The following QSOX2 variants were observed in gnomAD, a reference collection of about 807,000 sequenced individuals.
The protein encoded by QSOX2 is quiescin sulfhydryl oxidase 2.
QSOX2 carries 46 observed loss-of-function variants against 61.7 expected under a neutral mutation model. The observed-to-expected ratio is 0.75, with a 90% CI of 0.59 to 0.95. The LOEUF is 0.95. QSOX2 is among the 40% of genes least tolerant of loss of function. The pLI, the probability that QSOX2 is intolerant of heterozygous loss-of-function variation, is 0.00. For missense variants in QSOX2, 879 were observed against 918.9 expected (o/e 0.96, Z 0.56); for synonymous variants, 383 against 388.4 (o/e 0.99, Z 0.16).
Position 136,209,806 on chromosome 9 carries a change from C to T in QSOX2, c.1550-531G>A, listed in dbSNP as rs1233234932. 5.0e-5 allele frequency: 49 copies of T among 985,238 alleles called. No homozygotes were observed. Among genetic ancestry groups the T allele is most frequent in the Non-Finnish European group, 5.9e-5 (49 of 829,928 alleles). The allele number at this position is 985,238 out of a possible 1,614,324, so 61.0% of individuals were successfully genotyped here. On this transcript the variant is annotated intron_variant, in intron 11 of 11. Transcript: ENST00000358701. The surrounding 1 kb of genome is among the most constrained non-coding windows in gnomAD (Gnocchi z 5.6). Reference sequence around the variant, plus strand: ...GGGGCAGCAATGAATTTCCACTGCACTTCAGGTACACTGGCCCTTTCCGGA... The same window carrying T: ...GGGGCAGCAATGAATTTCCACTGCATTTCAGGTACACTGGCCCTTTCCGGA...
At chr9:136,237,018 T>C (rs1486875309) in intron 1 of QSOX2, among the ~76,000 whole-genome samples, 22 of 74,252 alleles carry the variant, frequency 3.0e-4, no homozygotes, top group African/African-American at 5.3e-4. Context: ...CCTGGGCCGG[T>C]GTCACCTGGA....
intron 1 of QSOX2, among the ~76,000 whole-genome samples, chr9:136,235,108 G>A (rs546775437): frequency 6.6e-6 from 1 of 152,314 alleles, no homozygotes; most frequent in South Asian, 2.1e-4. Context: ...CTGCTTACTG[G>A]GTTTTGAGAA....
intron 1 of QSOX2, among the ~76,000 whole-genome samples, chr9:136,233,865 A>T (rs1830354058): frequency 6.6e-6 from 1 of 152,258 alleles, no homozygotes; most frequent in Admixed American, 6.5e-5. Context: ...AACAGGCACT[A>T]AAACTAAAGC....
intron 6 of QSOX2, among the ~76,000 whole-genome samples, chr9:136,219,886 G>C (rs968607762): frequency 1.3e-5 from 2 of 152,218 alleles, no homozygotes; most frequent in Admixed American, 6.5e-5. Context: ...GGTTCAGGCC[G>C]CTCTGCCAAG....
In QSOX2 at chr9:136,206,480, T is replaced by C. The variant is rs1159052895; in HGVS notation, c.*2248A>G. ...TTAATAAAAATCCTTCCACTGAAAATAAATAAGCATTTAAATTACTGAACT... is the reference window on the plus strand; with the variant it reads ...TTAATAAAAATCCTTCCACTGAAAACAAATAAGCATTTAAATTACTGAACT... On this transcript the variant is annotated 3_prime_UTR_variant, in exon 12 of 12. Transcript: ENST00000358701. 1.3e-5 allele frequency: 2 copies of C among 152,542 alleles called. No individual in the cohort carries two copies. Among genetic ancestry groups the C allele is most frequent in the African/African-American group, 4.8e-5 (2 of 41,450 alleles). The allele number at this position is 152,542 out of a possible 1,614,324, so 9.4% of individuals were successfully genotyped here.
intron 1 of QSOX2, among the ~76,000 whole-genome samples, chr9:136,236,675 T>C (rs1830384946): frequency 6.6e-6 from 1 of 152,242 alleles, no homozygotes; most frequent in South Asian, 2.1e-4. Flanking sequence ...AAGCCCGTCC[T>C]GTGCCAGCGA....
intron 10 of QSOX2, 61 bp downstream of exon 10, chr9:136,215,093 C>A: frequency 6.3e-7 from 1 of 1,575,948 alleles, no homozygotes; most frequent in South Asian, 1.2e-5. Flanking sequence ...TTGCACACAC[C>A]GGCTGGGTTA....
At chr9:136,226,969 C>T (rs753565165) in intron 1 of QSOX2, 95 bp from the exon 2 acceptor site, 64 of 942,368 alleles carry the variant, frequency 6.8e-5, no homozygotes, top group Admixed American at 2.4e-4. Flanking sequence ...CGGCCACCTG[C>T]GAGACCAGCC....
At chr9:136,211,487 T>TGC in intron 10 of QSOX2, 35 bp from the exon 11 acceptor site, 1 of 1,604,146 alleles carries the variant, frequency 6.2e-7, no homozygotes. Context: ...CAACGGCAGG[T>TGC]GCGTGGGCAT....
chr9:136,216,839 G>A (rs1029238643), intron 8 of QSOX2, 117 bp from the exon 9 acceptor site: 9 of 1,296,402 alleles, frequency 6.9e-6, no homozygotes, highest in Non-Finnish European at 9.6e-6. Flanking sequence ...CTGAACCTAG[G>A]ATGGGGCCTC....
chr9:136,223,359 T>C lies in QSOX2; in HGVS notation c.675+404A>G. Among the ~76,000 whole-genome samples the C allele has an allele frequency of 6.6e-6, 1 of 152,100 alleles. No homozygotes were observed. Among genetic ancestry groups the C allele is most frequent in the Non-Finnish European group, 1.5e-5 (1 of 68,022 alleles). ...CAAAGTATGACGATAGAAACGACGT[T>C]TTACAGAATCTTGGATTTGGCAAAA... On this transcript the variant is annotated intron_variant, in intron 5 of 11. Coordinates refer to ENST00000358701, the MANE Select transcript of QSOX2 (RefSeq NM_181701.4). This position sits in a 1 kb window ranked among gnomAD's most constrained non-coding sequence, Gnocchi z 4.4.
rs148252628 is a variant in QSOX2 at position 136,225,801 on chromosome 9, G to A, written c.430-892C>T. Among the ~76,000 whole-genome samples the A allele has an allele frequency of 2.1e-3, 317 of 152,388 alleles. 1 individual carries two copies. Among genetic ancestry groups the A allele is most frequent in the African/African-American group, 7.2e-3 (299 of 41,596 alleles). On this transcript the variant is annotated intron_variant, in intron 2 of 11. Transcript: ENST00000358701. ...TGGACAATCCCATCCAATGAGCATC[G>A]TAGTGGATCTGGGCAATGTCCCATT... is the stretch of plus-strand genomic sequence containing the variant.
chr9:136,227,090 CACAGA>C lies in QSOX2; in HGVS notation c.329-221_329-217del, dbSNP rs796222178. On this transcript the variant is annotated intron_variant, in intron 1 of 11. Transcript: ENST00000358701. ...CGATGCCTCTCCTACCACAGATAGT[CACAGA>C]ACAAGCGGATTTGTGCTGAACCTGC... is the stretch of plus-strand genomic sequence containing the variant. Among the ~76,000 whole-genome samples, 731 of 152,328 alleles carry C rather than the reference CACAGA, an allele frequency of 4.8e-3. 6 individuals are homozygous for C. The highest frequency in any genetic ancestry group is 0.017 in the Middle Eastern group (5 of 294).
chr9:136,233,826 T>C (rs1488659484), intron 1 of QSOX2, among the ~76,000 whole-genome samples: 1 of 152,212 alleles, frequency 6.6e-6, no homozygotes, highest in Non-Finnish European at 1.5e-5. Flanking sequence ...CGGTTTTTGC[T>C]TTCTTCTATG....
intron 1 of QSOX2, among the ~76,000 whole-genome samples, chr9:136,227,478 T>C (rs2131061004): frequency 6.6e-6 from 1 of 152,336 alleles, no homozygotes; most frequent in South Asian, 2.1e-4. Flanking sequence ...CTCTAAAGTT[T>C]TTGCTATGGA....
At position 136,211,246 on chromosome 9, in the gene QSOX2, T is replaced by C. The variant is rs996874103; in HGVS notation, c.1549+18A>G. On this transcript the variant is annotated intron_variant, in intron 11 of 11. Coordinates refer to ENST00000358701, the MANE Select transcript of QSOX2 (RefSeq NM_181701.4). ...CCCTCCGCCCGTGCTGAGCCCCCCA[T>C]GCCCAGGGGCTTCTCACCTGCCAGG... The C allele has an allele frequency of 8.1e-6, 13 of 1,612,054 alleles. No homozygotes were observed. Among genetic ancestry groups the C allele is most frequent in the Non-Finnish European group, 1.1e-5 (13 of 1,178,462 alleles).
rs1054134418 is a variant in QSOX2, at chr9:136,221,045, A to T, written c.821+751T>A. Reference sequence around the variant, plus strand: ...GGGCTTATCCGAGGGGCACACAGGCACTCCACGCAGAGGCAAAGGGCTTAT... The same window carrying T: ...GGGCTTATCCGAGGGGCACACAGGCTCTCCACGCAGAGGCAAAGGGCTTAT... On this transcript the variant is annotated intron_variant, in intron 6 of 11. Coordinates refer to ENST00000358701, the MANE Select transcript of QSOX2 (RefSeq NM_181701.4). The surrounding 1 kb of genome is among the most constrained non-coding windows in gnomAD (Gnocchi z 4.5). 6.6e-5 allele frequency among the ~76,000 whole-genome samples: 10 copies of T among 151,710 alleles called. No individual in the cohort carries two copies. The highest frequency in any genetic ancestry group is 2.2e-4 in the African/African-American group (9 of 41,222).
chr9:136,222,757 C>T lies in QSOX2; in HGVS notation c.676-816G>A, dbSNP rs1161042725. On this transcript the variant is annotated intron_variant, in intron 5 of 11. Transcript: ENST00000358701. The surrounding 1 kb of genome is among the most constrained non-coding windows in gnomAD (Gnocchi z 6.9). ...CAGGCAGGTAGGGGAGCGTGCCCGG[C>T]ACCAAGACGGTCCCACACCCGCCTC... Among the ~76,000 whole-genome samples, 2 of 152,210 alleles carry T rather than the reference C, an allele frequency of 1.3e-5. No homozygotes were observed. The highest frequency in any genetic ancestry group is 4.8e-5 in the African/African-American group (2 of 41,454).
At chr9:136,241,704 T>C (rs1830434771) in intron 1 of QSOX2, among the ~76,000 whole-genome samples, 1 of 152,240 alleles carries the variant, frequency 6.6e-6, no homozygotes. Context: ...CCCGCACTCC[T>C]GAGGACAGGT....
Sources: allele counts gnomAD v4.1 joint callset (sites outside exome capture counted in the v4.1 genomes callset), GRCh38; gene constraint gnomAD v4.1.1; non-coding constraint Gnocchi (gnomAD v3.1); transcripts MANE v1.5; gene names NCBI Gene and HGNC (gene_info 2026-07-23, HGNC 2026-07-21).